HS1BP3: variants seen among roughly 807,000 people sequenced by gnomAD.
The protein encoded by HS1BP3 is HCLS1-binding protein 3.
A neutral mutation model predicts 33.5 loss-of-function variants in HS1BP3; 32 were observed. The ratio of observed to expected loss-of-function variants is 0.95; its 90% CI spans 0.72 to 1.28. The LOEUF (loss-of-function observed/expected upper bound fraction) is 1.28. Ranked by LOEUF, HS1BP3 falls within the 50% of genes most tolerant of loss-of-function variation. The pLI, the probability that HS1BP3 is intolerant of heterozygous loss-of-function variation, is 0.00. For missense variants in HS1BP3, 486 were observed against 502.3 expected (o/e 0.97, Z 0.31); for synonymous variants, 187 against 209.2 (o/e 0.89, Z 0.92).
chr2:20,561,428 C>A (rs893376685), intron 5 of HS1BP3, among the ~76,000 whole-genome samples: 1 of 152,176 alleles, frequency 6.6e-6, no homozygotes. Flanking sequence ...CAATGCCTGA[C>A]CACAGTAGGG....
At chr2:20,628,307 T>C (rs930462720) in intron 4 of HS1BP3, among the ~76,000 whole-genome samples, 1 of 152,162 alleles carries the variant, frequency 6.6e-6, no homozygotes, top group African/African-American at 2.4e-5. Flanking sequence ...CTGATCATTA[T>C]GGCCGAGTGA....
chr2:20,618,827 G>T lies in HS1BP3; in HGVS notation c.*160C>A, dbSNP rs1383827014. ...GCTTCTACTTTGGCCCCACAGCCCC[G>T]GAGAAAATGGAACCATGCAGTTCTG... is the stretch of plus-strand genomic sequence containing the variant. On this transcript the variant is annotated 3_prime_UTR_variant, in exon 7 of 7. Transcript: ENST00000304031. 2 of 1,420,600 alleles carry T rather than the reference G, an allele frequency of 1.4e-6. No homozygotes were observed. The highest frequency in any genetic ancestry group is 3.1e-5 in the South Asian group (2 of 64,178). 88.0% of individuals were successfully genotyped at this position (1,420,600 alleles called of 1,614,324 possible).
At chr2:20,606,659 A>G in intron 2 of HS1BP3, 1 of 429,988 alleles carries the variant, frequency 2.3e-6, no homozygotes, top group South Asian at 1.9e-5. Flanking sequence ...TGGCATTGCA[A>G]AGCTCAGAGA....
chr2:20,593,090 C>T (rs139011794), intron 3 of HS1BP3, among the ~76,000 whole-genome samples: 1 of 151,958 alleles, frequency 6.6e-6, no homozygotes, highest in Non-Finnish European at 1.5e-5. Flanking sequence ...CCTGTCCCCC[C>T]ACTGTCCCCC....
At chr2:20,615,118 T>C (rs548791830), downstream of HS1BP3, among the ~76,000 whole-genome samples, 2 of 152,290 alleles carry the variant, frequency 1.3e-5, no homozygotes, top group African/African-American at 4.8e-5. Flanking sequence ...GAAGTCCCTC[T>C]GTGAGGATCT....
intron 4 of HS1BP3, among the ~76,000 whole-genome samples, chr2:20,625,697 G>A (rs1694758951): frequency 6.6e-6 from 1 of 152,198 alleles, no homozygotes; most frequent in African/African-American, 2.4e-5. Flanking sequence ...CTTGCCGACT[G>A]GCTGAGGAGG....
At chr2:20,588,001 G>A (rs1693722841), downstream of HS1BP3, among the ~76,000 whole-genome samples, 1 of 151,876 alleles carries the variant, frequency 6.6e-6, no homozygotes, top group Admixed American at 6.6e-5. Context: ...CCCACCCCAG[G>A]ACATGGGACA....
chr2:20,615,809 C>T (rs565988906), downstream of HS1BP3, among the ~76,000 whole-genome samples: 27 of 152,356 alleles, frequency 1.8e-4, no homozygotes, highest in Non-Finnish European at 3.1e-4. Flanking sequence ...TTTGCTGTCT[C>T]GTCTGTACCT....
downstream of HS1BP3, chr2:20,590,675 CCA>C (rs1693792914): frequency 6.6e-6 from 1 of 152,614 alleles, no homozygotes; most frequent in Admixed American, 6.5e-5. Flanking sequence ...CTATGAATTT[CCA>C]CAGATCCAGA....
intron 5 of HS1BP3, among the ~76,000 whole-genome samples, chr2:20,569,958 A>C (rs1288125102): frequency 6.6e-6 from 1 of 152,168 alleles, no homozygotes; most frequent in Non-Finnish European, 1.5e-5. Context: ...CATTCATAGG[A>C]GTCCCTCTGG....
intron 3 of HS1BP3, 145 bp from the exon 4 acceptor site, chr2:20,638,797 C>A (rs1572358030): frequency 3.1e-6 from 2 of 652,092 alleles, no homozygotes; most frequent in East Asian, 5.5e-5. Flanking sequence ...CCTCCTGGGA[C>A]CTAAGCAGGA....
chr2:20,631,516 CAAAAAAAAAAAAAAAAAAAA>C (rs529653146), intron 4 of HS1BP3, among the ~76,000 whole-genome samples: 4 of 63,184 alleles, frequency 6.3e-5, no homozygotes, highest in Admixed American at 2.3e-4. Flanking sequence ...GAACCTGTCT[CAAAAAAAAAAAAAAAAAAAA>C]AAAAAAAAAA....
At chr2:20,621,597 C>T (rs1694604600) in intron 6 of HS1BP3, among the ~76,000 whole-genome samples, 1 of 152,248 alleles carries the variant, frequency 6.6e-6, no homozygotes, top group Non-Finnish European at 1.5e-5. Flanking sequence ...ATGATGCAGC[C>T]TCCATTGAAG....
chr2:20,612,102 G>A (rs1694329515), intron 2 of HS1BP3, among the ~76,000 whole-genome samples: 1 of 152,098 alleles, frequency 6.6e-6, no homozygotes, highest in South Asian at 2.1e-4. Flanking sequence ...AACTCATTTA[G>A]CCTTATACTA....
downstream of HS1BP3, among the ~76,000 whole-genome samples, chr2:20,587,732 C>T (rs967653783): frequency 3.4e-5 from 5 of 147,166 alleles, no homozygotes; most frequent in African/African-American, 5.4e-5. Context: ...GGCGACAGAG[C>T]GAGACTCTGT....
At chr2:20,562,808 C>T (rs181096415) in intron 5 of HS1BP3, among the ~76,000 whole-genome samples, 9 of 152,286 alleles carry the variant, frequency 5.9e-5, no homozygotes, top group Middle Eastern at 3.4e-3. Flanking sequence ...GGCGGGAAAA[C>T]AACTCGCACA....
At chr2:20,640,938 G>C in intron 3 of HS1BP3, 35 bp downstream of exon 3, 1 of 1,604,444 alleles carries the variant, frequency 6.2e-7, no homozygotes, top group Non-Finnish European at 8.5e-7. Flanking sequence ...CTGGGCCGGG[G>C]AGACCTGAGG....
intron 1 of HS1BP3, among the ~76,000 whole-genome samples, chr2:20,649,742 G>T (rs1695630048): frequency 6.6e-6 from 1 of 152,212 alleles, no homozygotes; most frequent in Admixed American, 6.5e-5. Context: ...GACTCACCCT[G>T]CAGGCAAGAT....
In HS1BP3 at chr2:20,586,015, GC is replaced by G. The variant is rs552630521; in HGVS notation, c.303-25501del. On this transcript the variant is annotated intron_variant, in intron 5 of 5. Coordinates refer to the HS1BP3 transcript ENST00000446825. ...CTCGCAGATTCCGGCTTTGAGCCTA[GC>G]AAACACTCTGCAGTGCCATACACCG... Among the ~76,000 whole-genome samples the G allele has an allele frequency of 5.5e-3, 810 of 147,488 alleles. 8 individuals carry two copies. The highest frequency in any genetic ancestry group is 0.019 in the African/African-American group (772 of 39,882).
Sources: gnomAD v4.1 joint callset for allele counts (sites outside exome capture counted in the v4.1 genomes callset) on GRCh38, gnomAD v4.1.1 for gene constraint, MANE v1.5 for transcripts, NCBI Gene and HGNC (gene_info 2026-07-23, HGNC 2026-07-21) for gene names.